ARHGAP44: variants seen among roughly 807,000 people sequenced by gnomAD.
The protein encoded by ARHGAP44 is rho GTPase-activating protein 44.
A neutral mutation model predicts 106.8 loss-of-function variants in ARHGAP44; 43 were observed. The ratio of observed to expected loss-of-function variants is 0.40; its 90% CI spans 0.32 to 0.52. The LOEUF (loss-of-function observed/expected upper bound fraction) is 0.52, where lower values mean the gene tolerates loss of function less well. Ranked by LOEUF, ARHGAP44 falls within the 20% of genes least tolerant of loss-of-function variation. The pLI is 0.48. For missense variants in ARHGAP44, 866 were observed against 1,050.5 expected (o/e 0.82, Z 2.43); for synonymous variants, 439 against 410.3 (o/e 1.07, Z -0.85).
At chr17:12,836,519 A>G (rs1231586245) in intron 1 of ARHGAP44, among the ~76,000 whole-genome samples, 2 of 151,998 alleles carry the variant, frequency 1.3e-5, no homozygotes, top group African/African-American at 2.4e-5. Context: ...ATGGTGGCAC[A>G]TGCCTGTAAT....
chr17:12,805,145 C>G (rs938262497), intron 1 of ARHGAP44, among the ~76,000 whole-genome samples: 1 of 152,182 alleles, frequency 6.6e-6, no homozygotes, highest in African/African-American at 2.4e-5. Context: ...GAACTGAGAC[C>G]TGAAGGGGGA....
intron 12 of ARHGAP44, 50 bp from the exon 13 acceptor site, chr17:12,952,451 G>A: frequency 7.3e-7 from 1 of 1,375,884 alleles, no homozygotes; most frequent in Non-Finnish European, 1.0e-6. Context: ...TTTCCGATGA[G>A]ACTTTATTGA....
intron 1 of ARHGAP44, among the ~76,000 whole-genome samples, chr17:12,880,985 C>T (rs550930181): frequency 6.6e-6 from 1 of 152,158 alleles, no homozygotes; most frequent in East Asian, 1.9e-4. Context: ...TTCCTCCTTA[C>T]GAATGAAGTT....
At chr17:12,797,113 C>T (rs962196271) in intron 1 of ARHGAP44, among the ~76,000 whole-genome samples, 1 of 152,014 alleles carries the variant, frequency 6.6e-6, no homozygotes, top group Non-Finnish European at 1.5e-5. Flanking sequence ...TTGTATGTCT[C>T]TTTTTTCTTT....
At chr17:12,855,657 A>G (rs897479502) in intron 1 of ARHGAP44, among the ~76,000 whole-genome samples, 1 of 152,164 alleles carries the variant, frequency 6.6e-6, no homozygotes, top group African/African-American at 2.4e-5. Context: ...GGACCCAGTT[A>G]TATTTATTCC....
intron 4 of ARHGAP44, 104 bp downstream of exon 4, chr17:12,909,077 G>T (rs1162818414): frequency 1.6e-5 from 16 of 984,480 alleles, no homozygotes; most frequent in Non-Finnish European, 2.2e-5. Flanking sequence ...TCTCACTGGG[G>T]ACTTTAGTGG....
At chr17:12,813,983 A>G (rs2034516714) in intron 1 of ARHGAP44, among the ~76,000 whole-genome samples, 1 of 152,176 alleles carries the variant, frequency 6.6e-6, no homozygotes, top group Non-Finnish European at 1.5e-5. Flanking sequence ...CTAAATATTC[A>G]GAAGGGCAAT....
intron 18 of ARHGAP44, among the ~76,000 whole-genome samples, chr17:12,979,125 C>T (rs1246900816): frequency 6.6e-6 from 1 of 152,188 alleles, no homozygotes; most frequent in African/African-American, 2.4e-5. Flanking sequence ...AACTGTGGGG[C>T]ATCTCCCCTG....
At chr17:12,987,436 C>T (rs993712493) in intron 20 of ARHGAP44, 6 of 355,268 alleles carry the variant, frequency 1.7e-5, no homozygotes, top group Non-Finnish European at 1.6e-5. Flanking sequence ...ATCTGCAGCT[C>T]CTCCCCCTCC....
At chr17:12,972,753 C>G (rs1025402350) in intron 16 of ARHGAP44, among the ~76,000 whole-genome samples, 4 of 151,090 alleles carry the variant, frequency 2.6e-5, no homozygotes, top group Admixed American at 2.0e-4. Flanking sequence ...GCTCCACCTC[C>G]TGGGTTCATG....
Position 12,949,318 on chromosome 17 carries a change from G to T in ARHGAP44, c.973+67G>T. On this transcript the variant is annotated intron_variant, in intron 11 of 20. Transcript: ENST00000379672. This position sits in a 1 kb window ranked among gnomAD's most constrained non-coding sequence, Gnocchi z 4.1. Reference sequence around the variant, plus strand: ...AGGGAAGGGGTAGAGGGGAGGCTGTGTGGCTACAAGTCCAGGACACTCAAG... The same window carrying T: ...AGGGAAGGGGTAGAGGGGAGGCTGTTTGGCTACAAGTCCAGGACACTCAAG... The T allele has an allele frequency of 6.8e-7, 1 of 1,469,534 alleles. No individual in the cohort carries two copies. The allele number at this position is 1,469,534 out of a possible 1,614,324, so 91.0% of individuals were successfully genotyped here. A position where few individuals can be genotyped will look rare whatever the true frequency, so the allele number is the denominator to read the frequency against.
At chr17:12,955,751 G>A in intron 13 of ARHGAP44, 116 bp from the exon 14 acceptor site, 1 of 629,742 alleles carries the variant, frequency 1.6e-6, no homozygotes, top group Non-Finnish European at 2.8e-6. Context: ...CATTGCAGGT[G>A]CACGAGTCTC....
chr17:12,966,833 T>G (rs556041011), intron 16 of ARHGAP44, among the ~76,000 whole-genome samples: 1 of 152,310 alleles, frequency 6.6e-6, no homozygotes, highest in Non-Finnish European at 1.5e-5. Context: ...CTCCCCTGGC[T>G]AGGATTCTTC....
chr17:12,990,036 T>C lies in ARHGAP44; in HGVS notation c.2322T>C (p.Leu774=), dbSNP rs771571469. 5.0e-6 allele frequency: 8 copies of C among 1,602,102 alleles called. No homozygotes were observed. The highest frequency in any genetic ancestry group is 6.8e-6 in the Non-Finnish European group (8 of 1,169,808). ...MSPGESMSTD[L]VHFDIPSIHI... is the part of the protein sequence containing the mutation. ...TCTCTCTCTGCCGCCTTCCAGATCT[T>C]GTCCACTTTGATATTCCCTCGATCC... Residue 774 remains leucine, a synonymous_variant, in exon 21 of 21, where the codon CTT becomes CTC. Coordinates refer to ENST00000379672, the MANE Select transcript of ARHGAP44 (RefSeq NM_014859.6).
In ARHGAP44 at chr17:12,895,335, C is replaced by T. The variant is rs984298057; in HGVS notation, c.93+356C>T. On this transcript the variant is annotated intron_variant, in intron 2 of 20. Coordinates refer to ENST00000379672, the MANE Select transcript of ARHGAP44 (RefSeq NM_014859.6). ...CAGGAGAGGTTTAAAGTCATTTCAC[C>T]ACAGTTAGCCCGAGGGTCCTGGAGT... Among the ~76,000 whole-genome samples the T allele has an allele frequency of 2.0e-5, 3 of 152,192 alleles. No homozygotes were observed. The East Asian group carries it at 5.8e-4, about 29-fold the overall frequency.
intron 1 of ARHGAP44, among the ~76,000 whole-genome samples, chr17:12,795,392 G>A (rs1194874736): frequency 1.3e-5 from 2 of 152,198 alleles, no homozygotes; most frequent in African/African-American, 4.8e-5. Context: ...TCAGCAGTCA[G>A]CCTGAAGCTG....
chr17:12,842,093 C>T (rs1233907079), intron 1 of ARHGAP44, among the ~76,000 whole-genome samples: 1 of 151,694 alleles, frequency 6.6e-6, no homozygotes, highest in African/African-American at 2.4e-5. Context: ...ATCGCTTGGA[C>T]CCCGCTCCCA....
At position 12,955,830 on chromosome 17, in the gene ARHGAP44, G is replaced by A. The variant is rs371320407; in HGVS notation, c.1137-37G>A. ...CCCCGGGGGACATGGCTGGTGTTGA[G>A]CCTTGGTTAAACCTGGCCCTTCTAA... On this transcript the variant is annotated intron_variant, in intron 13 of 20. Transcript: ENST00000379672. 4 of 1,368,408 alleles carry A rather than the reference G, an allele frequency of 2.9e-6. No homozygotes were observed. The Admixed American group carries it at 5.5e-5, about 19-fold the overall frequency. 84.8% of individuals were successfully genotyped at this position (1,368,408 alleles called of 1,614,324 possible).
chr17:12,963,091 A>G (rs72815124), intron 16 of ARHGAP44, among the ~76,000 whole-genome samples: 5,069 of 150,414 alleles, frequency 0.034, 120 homozygotes, highest in Non-Finnish European at 0.048. Flanking sequence ...TTGTTCACCA[A>G]CCTTGTGGTT....
Sources: allele counts gnomAD v4.1 joint callset (sites outside exome capture counted in the v4.1 genomes callset), GRCh38; gene constraint gnomAD v4.1.1; non-coding constraint Gnocchi (gnomAD v3.1); transcripts MANE v1.5; gene names NCBI Gene and HGNC (gene_info 2026-07-23, HGNC 2026-07-21).